Variants in DTWD2 observed in about 807,000 individuals in gnomAD.
The protein encoded by DTWD2 is DTW motif tRNA-uridine aminocarboxypropyltransferase 2, also known as tRNA-uridine aminocarboxypropyltransferase 2.
A neutral mutation model predicts 31.8 loss-of-function variants in DTWD2; 39 were observed. That is an observed-to-expected ratio of 1.22 (90% CI 0.95 to 1.60). The LOEUF (loss-of-function observed/expected upper bound fraction) is 1.60. DTWD2 is among the 40% of genes most tolerant of loss of function. DTWD2 has a pLI of 0.00. For missense variants in DTWD2, 515 were observed against 381.5 expected (o/e 1.35, Z -2.92); for synonymous variants, 180 against 142.8 (o/e 1.26, Z -1.86).
chr5:118,936,971 TCAA>T (rs1754059261), intron 3 of DTWD2, among the ~76,000 whole-genome samples: 1 of 152,016 alleles, frequency 6.6e-6, no homozygotes. Flanking sequence ...GACAATAAAT[TCAA>T]CAATTTAGAT....
rs1403593048 is a variant in DTWD2, at chr5:118,839,462, C to A, written c.*1455G>T. ...CTTGATGTCCTGGGCTCCAGCGATC[C>A]TCCCACCTTAGCCTCCCAAGTAGCT... On this transcript the variant is annotated 3_prime_UTR_variant, in exon 6 of 6. Coordinates refer to ENST00000510708, the MANE Select transcript of DTWD2 (RefSeq NM_173666.4). 1 of 152,026 alleles carries A rather than the reference C, an allele frequency of 6.6e-6. No individual in the cohort carries two copies. The highest frequency in any genetic ancestry group is 1.5e-5 in the Non-Finnish European group (1 of 68,046). 9.4% of individuals were successfully genotyped at this position (152,026 alleles called of 1,614,324 possible).
chr5:118,849,367 C>T (rs1004699057), intron 4 of DTWD2, among the ~76,000 whole-genome samples: 5 of 152,104 alleles, frequency 3.3e-5, no homozygotes, highest in Non-Finnish European at 5.9e-5. Flanking sequence ...ATTAAAAAGT[C>T]AGGAAACAAT....
intron 4 of DTWD2, among the ~76,000 whole-genome samples, chr5:118,865,681 A>G (rs1752365953): frequency 2.0e-5 from 3 of 152,192 alleles, no homozygotes; most frequent in African/African-American, 4.8e-5. Context: ...ATTTTGCCTT[A>G]CTTTAGCCTC....
intron 4 of DTWD2, among the ~76,000 whole-genome samples, chr5:118,877,532 A>G (rs569622761): frequency 6.6e-6 from 1 of 152,052 alleles, no homozygotes; most frequent in Non-Finnish European, 1.5e-5. Flanking sequence ...TTGAAGAAAC[A>G]TACCTCAAAA....
intron 5 of DTWD2, among the ~76,000 whole-genome samples, chr5:118,841,592 C>T (rs963476073): frequency 4.6e-5 from 7 of 152,088 alleles, no homozygotes; most frequent in African/African-American, 1.7e-4. Context: ...AAGTTAGATG[C>T]CCAGGTCTTG....
chr5:118,956,577 A>T (rs1248208924), intron 1 of DTWD2, among the ~76,000 whole-genome samples: 1 of 152,202 alleles, frequency 6.6e-6, no homozygotes, highest in Non-Finnish European at 1.5e-5. Context: ...AAATCTTTCA[A>T]AGCTTTAATT....
At chr5:118,964,526 C>T (rs1754783659) in intron 1 of DTWD2, among the ~76,000 whole-genome samples, 1 of 152,180 alleles carries the variant, frequency 6.6e-6, no homozygotes, top group African/African-American at 2.4e-5. Flanking sequence ...TCTCTGCTCA[C>T]TGCAACCTCC....
chr5:118,895,751 C>T (rs1753070855), intron 4 of DTWD2, among the ~76,000 whole-genome samples: 1 of 152,112 alleles, frequency 6.6e-6, no homozygotes, highest in Non-Finnish European at 1.5e-5. Flanking sequence ...GCACCAAGAA[C>T]ATACATTGGG....
intron 1 of DTWD2, among the ~76,000 whole-genome samples, chr5:118,979,703 C>T (rs1755253967): frequency 6.6e-6 from 1 of 152,218 alleles, no homozygotes. Context: ...TTTGCAGGGA[C>T]ATGGATGAAG....
intron 1 of DTWD2, among the ~76,000 whole-genome samples, chr5:118,981,116 G>T (rs1258538458): frequency 6.6e-6 from 1 of 152,136 alleles, no homozygotes; most frequent in African/African-American, 2.4e-5. Flanking sequence ...ACAAATATAT[G>T]ATTCCACTTA....
intron 1 of DTWD2, among the ~76,000 whole-genome samples, chr5:118,949,517 G>A (rs1754411828): frequency 6.6e-6 from 1 of 152,204 alleles, no homozygotes; most frequent in African/African-American, 2.4e-5. Context: ...GACTTGTCTG[G>A]TTTTTGGATG....
At chr5:118,931,454 G>C (rs1458472657) in intron 3 of DTWD2, among the ~76,000 whole-genome samples, 1 of 143,428 alleles carries the variant, frequency 7.0e-6, no homozygotes, top group Non-Finnish European at 1.5e-5. Flanking sequence ...ATAAACTACA[G>C]ACAAAGCAGA....
intron 3 of DTWD2, among the ~76,000 whole-genome samples, chr5:118,935,173 T>C (rs138978730): frequency 1.3e-5 from 2 of 152,146 alleles, no homozygotes; most frequent in East Asian, 1.9e-4. Flanking sequence ...TCCTGGAGGG[T>C]AGTGCACCAG....
intron 4 of DTWD2, among the ~76,000 whole-genome samples, chr5:118,876,799 A>C (rs1327974480): frequency 6.6e-6 from 1 of 152,214 alleles, no homozygotes; most frequent in Non-Finnish European, 1.5e-5. Context: ...TGCCAAATGT[A>C]CAAGAAGAGC....
intron 5 of DTWD2, among the ~76,000 whole-genome samples, 153 bp downstream of exon 5, chr5:118,847,937 G>C (rs888753041): frequency 6.6e-6 from 1 of 152,100 alleles, no homozygotes; most frequent in Non-Finnish European, 1.5e-5. Context: ...AAAAACACCA[G>C]AGAGGAAACA....
At chr5:118,850,909 G>GA (rs1342370149) in intron 4 of DTWD2, among the ~76,000 whole-genome samples, 14 of 151,990 alleles carry the variant, frequency 9.2e-5, no homozygotes, top group Non-Finnish European at 1.2e-4. Context: ...ACAAGCAGAT[G>GA]AAAAAATGCT....
intron 1 of DTWD2, among the ~76,000 whole-genome samples, chr5:118,967,175 T>A (rs1580444590): frequency 6.6e-6 from 1 of 152,224 alleles, no homozygotes; most frequent in East Asian, 1.9e-4. Flanking sequence ...AGAGTCAGAT[T>A]TCTTACTGTC....
intron 4 of DTWD2, 73 bp downstream of exon 4, chr5:118,928,464 C>T: frequency 2.9e-6 from 3 of 1,043,938 alleles, no homozygotes; most frequent in Non-Finnish European, 3.8e-6. Context: ...TATGTGTATC[C>T]CTTCACAGAA....
chr5:118,920,929 G>T (rs746027933), intron 4 of DTWD2, among the ~76,000 whole-genome samples: 58 of 152,170 alleles, frequency 3.8e-4, no homozygotes, highest in Non-Finnish European at 6.3e-4. Flanking sequence ...TGAGTTCACA[G>T]TTAAGAATTC....
Sources: gnomAD v4.1 joint callset for allele counts (sites outside exome capture counted in the v4.1 genomes callset) on GRCh38, gnomAD v4.1.1 for gene constraint, MANE v1.5 for transcripts, NCBI Gene and HGNC (gene_info 2026-07-23, HGNC 2026-07-21) for gene names.